The following TMEM200A variants were observed in gnomAD, a reference collection of about 807,000 sequenced individuals.
The protein encoded by TMEM200A is two transmembrane C.
Under a neutral mutation model 24.3 loss-of-function variants are expected in TMEM200A, and 12 were observed. The observed-to-expected ratio is 0.49, with a 90% CI of 0.32 to 0.80. The LOEUF (loss-of-function observed/expected upper bound fraction) is 0.80, where lower values mean the gene tolerates loss of function less well. Among genes scored for constraint, TMEM200A ranks in the 30% least tolerant of loss-of-function variants. The pLI, the probability that TMEM200A is intolerant of heterozygous loss-of-function variation, is 0.04. For synonymous variants in TMEM200A, 224 were observed against 224.4 expected (o/e 1.00, Z 0.02); for missense variants, 545 against 614.4 (o/e 0.89, Z 1.19).
At chr6:130,435,844 T>G (rs542475902) in intron 2 of TMEM200A, among the ~76,000 whole-genome samples, 21 of 152,204 alleles carry the variant, frequency 1.4e-4, no homozygotes, top group South Asian at 1.2e-3. Flanking sequence ...GAGGAGGATG[T>G]GGAGGTAGAA....
At chr6:130,383,978 G>T (rs1778658518) in intron 1 of TMEM200A, among the ~76,000 whole-genome samples, 1 of 152,250 alleles carries the variant, frequency 6.6e-6, no homozygotes, top group Admixed American at 6.5e-5. Flanking sequence ...AAATTAGCCA[G>T]GTGTGGTGGT....
intron 2 of TMEM200A, among the ~76,000 whole-genome samples, chr6:130,424,441 A>C (rs371036392): frequency 6.6e-6 from 1 of 152,100 alleles, no homozygotes; most frequent in Non-Finnish European, 1.5e-5. Context: ...CTCATTTTTC[A>C]TACTTTCCCC....
chr6:130,409,041 C>T (rs895621665), intron 2 of TMEM200A, among the ~76,000 whole-genome samples: 3 of 152,154 alleles, frequency 2.0e-5, no homozygotes, highest in South Asian at 2.1e-4. Flanking sequence ...AATGGGCAGT[C>T]CTTGTTTGAT....
intron 2 of TMEM200A, among the ~76,000 whole-genome samples, chr6:130,398,314 C>T (rs1779001538): frequency 6.6e-6 from 1 of 152,090 alleles, no homozygotes; most frequent in South Asian, 2.1e-4. Context: ...TTTTGTATGG[C>T]TGCATAGTAT....
chr6:130,374,468 T>A (rs542145399), intron 1 of TMEM200A, among the ~76,000 whole-genome samples: 14 of 151,602 alleles, frequency 9.2e-5, no homozygotes, highest in African/African-American at 3.1e-4. Context: ...CAGGCTGGAG[T>A]GCAGTGGCAT....
chr6:130,410,878 G>C (rs1380945494), intron 2 of TMEM200A, among the ~76,000 whole-genome samples: 1 of 152,116 alleles, frequency 6.6e-6, no homozygotes, highest in Non-Finnish European at 1.5e-5. Flanking sequence ...TAGAAGTTTT[G>C]GAAAATCAGG....
chr6:130,405,811 C>T (rs1326439552), intron 2 of TMEM200A, among the ~76,000 whole-genome samples: 5 of 152,170 alleles, frequency 3.3e-5, no homozygotes, highest in African/African-American at 7.2e-5. Flanking sequence ...TGCTAGCTTG[C>T]GGTAGATGGG....
chr6:130,440,486 T>A lies in TMEM200A; in HGVS notation c.64T>A (p.Ser22Thr). The A allele has an allele frequency of 6.2e-7, 1 of 1,613,650 alleles. No homozygotes were observed. Among genetic ancestry groups the A allele is most frequent in the Non-Finnish European group, 8.5e-7 (1 of 1,179,762 alleles). Residue 22 changes from serine (S) to threonine (T), a missense_variant, in exon 3 of 3, where the codon TCA becomes ACA. Transcript: ENST00000296978. ...AALKRQDSARSQQHVNLSPSP... is the reference protein window; with the variant it reads ...AALKRQDSARTQQHVNLSPSP... ...CTTGAAAAGGCAAGACTCTGCCAGA[T>A]CACAGCAGCATGTCAACCTCAGCCC...
intron 2 of TMEM200A, among the ~76,000 whole-genome samples, chr6:130,435,417 T>C (rs1448559317): frequency 1.3e-5 from 2 of 152,198 alleles, no homozygotes; most frequent in Non-Finnish European, 2.9e-5. Context: ...AAAATGATGG[T>C]TGCTGATCAA....
At chr6:130,402,184 T>C (rs950730168) in intron 2 of TMEM200A, among the ~76,000 whole-genome samples, 6 of 151,908 alleles carry the variant, frequency 3.9e-5, no homozygotes, top group African/African-American at 1.4e-4. Context: ...GCCATAAGAA[T>C]AGTTCATATA....
In TMEM200A at chr6:130,436,629, TCC is replaced by T. The variant is rs1270877950; in HGVS notation, c.-16-3777_-16-3776del. On this transcript the variant is annotated intron_variant, in intron 2 of 2. Transcript: ENST00000296978. ...TTTCACTAGGCTTCGTTTTTCTTTA[TCC>T]TTTTTTTTTTTTTTTTTTTTTTTTT... 3.2e-4 allele frequency among the ~76,000 whole-genome samples: 28 copies of T among 88,432 alleles called. 3 individuals carry two copies. The highest frequency in any genetic ancestry group is 2.3e-3 in the South Asian group (5 of 2,158). The allele number at this position is 88,432 out of a possible 152,430, so 58.0% of individuals were successfully genotyped here.
At chr6:130,367,376 C>T (rs1778205899) in intron 1 of TMEM200A, among the ~76,000 whole-genome samples, 1 of 152,108 alleles carries the variant, frequency 6.6e-6, no homozygotes, top group Non-Finnish European at 1.5e-5. Context: ...TTTCAAGAAT[C>T]GATGATTATT....
chr6:130,371,270 A>C (rs1052943386), intron 1 of TMEM200A, among the ~76,000 whole-genome samples: 2 of 152,130 alleles, frequency 1.3e-5, no homozygotes, highest in Non-Finnish European at 2.9e-5. Flanking sequence ...CATGTATAGA[A>C]CTGACATTTA....
chr6:130,428,849 G>A (rs1336983510), intron 2 of TMEM200A, among the ~76,000 whole-genome samples: 1 of 152,178 alleles, frequency 6.6e-6, no homozygotes, highest in South Asian at 2.1e-4. Context: ...GTTTAATAAT[G>A]TGGTTTAGTA....
intron 2 of TMEM200A, among the ~76,000 whole-genome samples, chr6:130,401,963 C>G (rs542107281): frequency 6.6e-6 from 1 of 151,454 alleles, no homozygotes; most frequent in Admixed American, 6.6e-5. Context: ...GACAGTGTAC[C>G]TTTGTCTGAC....
intron 2 of TMEM200A, among the ~76,000 whole-genome samples, chr6:130,416,765 C>A (rs1780398568): frequency 6.6e-6 from 1 of 152,102 alleles, no homozygotes; most frequent in South Asian, 2.1e-4. Flanking sequence ...TCTATCTCTG[C>A]TAGAAGAGAT....
chr6:130,392,096 T>C (rs1449007004), intron 2 of TMEM200A, among the ~76,000 whole-genome samples: 7 of 152,142 alleles, frequency 4.6e-5, no homozygotes, highest in African/African-American at 1.7e-4. Context: ...GAATCTTGCT[T>C]TGCTATTTAA....
At chr6:130,430,919 A>C (rs1779860435) in intron 2 of TMEM200A, among the ~76,000 whole-genome samples, 1 of 152,242 alleles carries the variant, frequency 6.6e-6, no homozygotes, top group Non-Finnish European at 1.5e-5. Flanking sequence ...ACTTCTTAAG[A>C]AATTTAATGT....
intron 2 of TMEM200A, among the ~76,000 whole-genome samples, chr6:130,420,555 A>T (rs1779557762): frequency 6.6e-6 from 1 of 152,152 alleles, no homozygotes; most frequent in East Asian, 1.9e-4. Context: ...GCCTAACTTC[A>T]TGGAGTTGGG....
Sources: allele counts gnomAD v4.1 joint callset (sites outside exome capture counted in the v4.1 genomes callset), GRCh38; gene constraint gnomAD v4.1.1; transcripts MANE v1.5; gene names NCBI Gene and HGNC (gene_info 2026-07-23, HGNC 2026-07-21).